The following RBMS3 variants were observed in gnomAD, a reference collection of about 807,000 sequenced individuals.
RBMS3 encodes RNA binding motif single stranded interacting protein 3, also known as RNA-binding motif, single-stranded-interacting protein 3.
Under a neutral mutation model 66.8 loss-of-function variants are expected in RBMS3, and 27 were observed. That is an observed-to-expected ratio of 0.40 (90% CI 0.30 to 0.56). The LOEUF (loss-of-function observed/expected upper bound fraction) is 0.56. RBMS3 is among the 20% of genes least tolerant of loss of function. The pLI, the probability that RBMS3 is intolerant of heterozygous loss-of-function variation, is 0.40. For synonymous variants in RBMS3, 188 were observed against 183.0 expected, an observed-to-expected ratio of 1.03 and a Z score of -0.22; for missense variants, 513 against 549.5, an observed-to-expected ratio of 0.93 and a Z score of 0.66.
At chr3:29,705,963 C>T (rs1323409577) in intron 4 of RBMS3, among the ~76,000 whole-genome samples, 1 of 152,152 alleles carries the variant, frequency 6.6e-6, no homozygotes, top group Non-Finnish European at 1.5e-5. Flanking sequence ...TTCAACAAAA[C>T]AGCAGGTGTA....
At chr3:29,364,281 C>T (rs2125588025) in intron 1 of RBMS3, among the ~76,000 whole-genome samples, 2 of 152,068 alleles carry the variant, frequency 1.3e-5, no homozygotes, top group East Asian at 1.9e-4. Context: ...TTTACAATTG[C>T]ATAAAAACAT....
At chr3:29,802,499 C>T (rs530422298) in intron 6 of RBMS3, among the ~76,000 whole-genome samples, 4 of 152,282 alleles carry the variant, frequency 2.6e-5, no homozygotes, top group African/African-American at 7.2e-5. Flanking sequence ...TAGACTAGCA[C>T]AATACTTACT....
intron 4 of RBMS3, among the ~76,000 whole-genome samples, chr3:29,618,415 A>G (rs544084817): frequency 2.0e-5 from 3 of 152,128 alleles, no homozygotes; most frequent in Non-Finnish European, 4.4e-5. Context: ...CTGAGGCAGA[A>G]GAATCGCTTG....
At chr3:29,684,561 GT>G (rs199611852) in intron 4 of RBMS3, among the ~76,000 whole-genome samples, 1 of 152,050 alleles carries the variant, frequency 6.6e-6, no homozygotes, top group Admixed American at 6.6e-5. Flanking sequence ...GGAATGAATA[GT>G]TTTTTTCCCT....
intron 1 of RBMS3, among the ~76,000 whole-genome samples, chr3:29,310,424 A>G (rs374002784): frequency 6.6e-6 from 1 of 151,688 alleles, no homozygotes; most frequent in East Asian, 1.9e-4. Flanking sequence ...TATTAAATGC[A>G]TGGGAATTAC....
At chr3:29,709,660 C>CA (rs2053070336) in intron 4 of RBMS3, among the ~76,000 whole-genome samples, 1 of 152,144 alleles carries the variant, frequency 6.6e-6, no homozygotes, top group Admixed American at 6.5e-5. Flanking sequence ...CCAATATAAA[C>CA]AAAAACAATG....
intron 7 of RBMS3, among the ~76,000 whole-genome samples, chr3:29,883,125 A>C (rs953220872): frequency 6.6e-6 from 1 of 152,102 alleles, no homozygotes. Flanking sequence ...CATTGTAAGC[A>C]TTGTAAGTAT....
At chr3:29,373,857 G>A (rs139425052) in intron 1 of RBMS3, among the ~76,000 whole-genome samples, 28 of 152,286 alleles carry the variant, frequency 1.8e-4, no homozygotes, top group African/African-American at 6.5e-4. Context: ...TATTAAAGAT[G>A]ACTGTGGAAT....
rs550395472 is a variant in RBMS3, at chr3:29,293,255, C to T, written c.75+11499C>T. Reference sequence around the variant, plus strand: ...ATCTGTATGTGCTCACAAATATAACCAGGAGCAATGTTGTTGTTGTTCTGT... The same window carrying T: ...ATCTGTATGTGCTCACAAATATAACTAGGAGCAATGTTGTTGTTGTTCTGT... On this transcript the variant is annotated intron_variant, in intron 1 of 14. Transcript: ENST00000383767. Among the ~76,000 whole-genome samples the T allele has an allele frequency of 1.7e-3, 245 of 145,368 alleles. No homozygotes were observed. In the Middle Eastern group the frequency reaches 0.025, roughly 15 times the overall value.
intron 6 of RBMS3, among the ~76,000 whole-genome samples, chr3:29,868,536 C>A (rs1169107751): frequency 2.0e-5 from 3 of 152,152 alleles, no homozygotes; most frequent in African/African-American, 7.2e-5. Context: ...CATATAAATA[C>A]CGATTATGAA....
chr3:29,547,807 A>ATTTTTTTTTTTTTTTTTTTTTT (rs3043400), intron 3 of RBMS3, among the ~76,000 whole-genome samples: 3 of 93,298 alleles, frequency 3.2e-5, no homozygotes, highest in African/African-American at 4.2e-5. Context: ...TTGTGGATTG[A>ATTTTTTTTTTTTTTTTTTTTTT]TTTTTTTTTT....
At position 29,662,352 on chromosome 3, in the gene RBMS3, G is replaced by A. The variant is rs2050585158; in HGVS notation, c.399+75147G>A. The stretch of plus-strand genomic sequence containing the variant: ...TTATAGACACTGAAAAGGGGGAAAG[G>A]GCATTAAGATTAACTGACAATAAAT... On this transcript the variant is annotated intron_variant, in intron 4 of 14. Transcript: ENST00000383767. Among the ~76,000 whole-genome samples the A allele has an allele frequency of 2.0e-5, 3 of 152,004 alleles. No individual in the cohort carries two copies. In the South Asian group the frequency reaches 6.2e-4, roughly 32 times the overall value.
intron 3 of RBMS3, among the ~76,000 whole-genome samples, chr3:29,558,416 A>G (rs1419826426): frequency 6.6e-6 from 1 of 152,218 alleles, no homozygotes; most frequent in African/African-American, 2.4e-5. Flanking sequence ...GGACAATTAG[A>G]CATATATCCT....
In RBMS3 at chr3:30,008,730, T is replaced by C. The variant is rs968668723; in HGVS notation, c.*4868T>C. The C allele has an allele frequency of 1.3e-5, 2 of 152,134 alleles. No individual in the cohort carries two copies. The highest frequency in any genetic ancestry group is 2.9e-5 in the Non-Finnish European group (2 of 67,984). 9.4% of individuals were successfully genotyped at this position (152,134 alleles called of 1,614,324 possible). On this transcript the variant is annotated 3_prime_UTR_variant, in exon 15 of 15. Transcript: ENST00000383767. ...TTACAAATGACATCCACTGTGGCAT[T>C]GGAAGACAGTTGGGTCTGACTCAAG...
At chr3:29,698,225 G>A (rs1241298060) in intron 4 of RBMS3, 3 of 985,214 alleles carry the variant, frequency 3.0e-6, no homozygotes, top group East Asian at 1.1e-4. Flanking sequence ...AGTCCAGAAA[G>A]TTCTGAGTAA....
At chr3:29,814,546 A>G (rs2057822548) in intron 6 of RBMS3, among the ~76,000 whole-genome samples, 1 of 152,180 alleles carries the variant, frequency 6.6e-6, no homozygotes, top group African/African-American at 2.4e-5. Flanking sequence ...AAATAGTTTC[A>G]GAAGGAATGG....
intron 3 of RBMS3, among the ~76,000 whole-genome samples, chr3:29,568,381 G>C (rs2046817948): frequency 2.6e-5 from 4 of 152,138 alleles, no homozygotes; most frequent in Admixed American, 2.0e-4. Flanking sequence ...AAAATATAAA[G>C]ATTTGTTATG....
intron 10 of RBMS3, among the ~76,000 whole-genome samples, chr3:29,934,478 A>G (rs2149685879): frequency 6.6e-6 from 1 of 152,236 alleles, no homozygotes; most frequent in Non-Finnish European, 1.5e-5. Context: ...AAGGAAAACA[A>G]TAAAGATGGT....
intron 1 of RBMS3, among the ~76,000 whole-genome samples, chr3:29,343,622 C>G (rs2036406616): frequency 6.6e-6 from 1 of 152,078 alleles, no homozygotes; most frequent in Admixed American, 6.6e-5. Context: ...GACAACATGC[C>G]TCTCAATTGG....
Sources: allele counts gnomAD v4.1 joint callset (sites outside exome capture counted in the v4.1 genomes callset), GRCh38; gene constraint gnomAD v4.1.1; transcripts MANE v1.5; gene names NCBI Gene and HGNC (gene_info 2026-07-23, HGNC 2026-07-21).